FRMPD1: variants seen among roughly 807,000 people sequenced by gnomAD.
The protein encoded by FRMPD1 is FERM and PDZ domain-containing protein 1.
FRMPD1 carries 76 observed loss-of-function variants against 117.8 expected under a neutral mutation model. The observed-to-expected ratio is 0.65, with a 90% confidence interval of 0.54 to 0.78. The LOEUF is 0.78. Ranked by LOEUF, FRMPD1 falls within the 30% of genes least tolerant of loss-of-function variation. The pLI is 0.00. For synonymous variants in FRMPD1, 783 were observed against 770.4 expected (o/e 1.02, Z -0.27); for missense variants, 1,786 against 1,964.5 (o/e 0.91, Z 1.72).
intron 7 of FRMPD1, chr9:37,727,974 A>T (rs1033071438): frequency 6.6e-6 from 1 of 152,228 alleles, no homozygotes. Context: ...CACTGGATAT[A>T]CTGCATAACA....
At chr9:37,702,079 A>G (rs1054763988) in intron 2 of FRMPD1, among the ~76,000 whole-genome samples, 2 of 152,240 alleles carry the variant, frequency 1.3e-5, no homozygotes, top group Admixed American at 6.5e-5. Context: ...GATTAGGGCA[A>G]TAGCCATAGG....
chr9:37,648,266 A>AT (rs139033272), upstream of FRMPD1, among the ~76,000 whole-genome samples: 6,092 of 151,500 alleles, frequency 0.04, 415 homozygotes, highest in African/African-American at 0.14. Flanking sequence ...TCAAGACTAC[A>AT]TTTTTTTTTA....
At chr9:37,673,095 A>C (rs1821410416) in intron 1 of FRMPD1, among the ~76,000 whole-genome samples, 1 of 152,222 alleles carries the variant, frequency 6.6e-6, no homozygotes. Context: ...AGAAGTCCAC[A>C]ATCCAAAGTC....
intron 1 of FRMPD1, among the ~76,000 whole-genome samples, chr9:37,676,740 A>G (rs941113976): frequency 6.6e-6 from 1 of 152,196 alleles, no homozygotes; most frequent in Non-Finnish European, 1.5e-5. Context: ...CCTGACAGCA[A>G]TCAGCCGTTC....
At chr9:37,707,359 C>A in intron 2 of FRMPD1, 57 bp from the exon 3 acceptor site, 1 of 1,480,962 alleles carries the variant, frequency 6.8e-7, no homozygotes, top group South Asian at 1.2e-5. Context: ...TGACCCAGTT[C>A]GTGACCAACA....
At chr9:37,730,919 T>C (rs915154195) in intron 8 of FRMPD1, 65 bp from the exon 9 acceptor site, 11 of 1,561,328 alleles carry the variant, frequency 7.0e-6, no homozygotes, top group Non-Finnish European at 9.7e-6. Flanking sequence ...TAGAGTGGTT[T>C]TGTGGAATGA....
chr9:37,726,016 A>G (rs1405038431), intron 7 of FRMPD1, among the ~76,000 whole-genome samples: 1 of 152,224 alleles, frequency 6.6e-6, no homozygotes, highest in African/African-American at 2.4e-5. Context: ...AAGGACTTTG[A>G]GGTAGTTTAC....
intron 2 of FRMPD1, 101 bp from the exon 3 acceptor site, chr9:37,707,315 T>C: frequency 1.1e-6 from 1 of 882,338 alleles, no homozygotes; most frequent in Non-Finnish European, 1.8e-6. Flanking sequence ...TGGTGTCTGC[T>C]CAGTTCTGCA....
the FRMPD1 span, among the ~76,000 whole-genome samples, chr9:37,616,424 G>A: frequency 6.6e-6 from 1 of 152,092 alleles, no homozygotes; most frequent in African/African-American, 2.4e-5. Context: ...GCCCACATCT[G>A]TTGTTTTATT....
At chr9:37,693,855 G>T (rs997067374) in intron 2 of FRMPD1, among the ~76,000 whole-genome samples, 4 of 152,110 alleles carry the variant, frequency 2.6e-5, no homozygotes, top group African/African-American at 4.8e-5. Context: ...AGAACCCCCC[G>T]CAGCTTAAGG....
chr9:37,680,182 A>G (rs966746349), intron 1 of FRMPD1, among the ~76,000 whole-genome samples: 3 of 152,152 alleles, frequency 2.0e-5, no homozygotes, highest in African/African-American at 7.2e-5. Flanking sequence ...TGCAGAGACC[A>G]TCTGTACTGA....
chr9:37,624,016 C>T, the FRMPD1 span, among the ~76,000 whole-genome samples: 2 of 152,064 alleles, frequency 1.3e-5, no homozygotes, highest in East Asian at 3.9e-4. Flanking sequence ...CAGGATCTAG[C>T]TGAGGTGGTT....
At position 37,744,621 on chromosome 9, in the gene FRMPD1, AGAC is replaced by A; in HGVS notation, c.2594_2596del (p.Asp865del). 1 of 1,613,984 alleles carries A rather than the reference AGAC, an allele frequency of 6.2e-7. No individual in the cohort carries two copies. Among genetic ancestry groups the A allele is most frequent in the Non-Finnish European group, 8.5e-7 (1 of 1,179,904 alleles). Reference sequence around the variant, plus strand: ...TGCCATCAGCCTCCCTGGAGAGTGTAGACGACGTGTGCTACTATGACAGGGAGC... The same window carrying A: ...TGCCATCAGCCTCCCTGGAGAGTGTAGACGTGTGCTACTATGACAGGGAGC... On this transcript the variant is annotated inframe_deletion, in exon 16 of 16. Transcript: ENST00000377765.
intron 1 of FRMPD1, among the ~76,000 whole-genome samples, chr9:37,661,113 G>A (rs10973466): frequency 0.042 from 6,355 of 152,262 alleles, 232 homozygotes; most frequent in South Asian, 0.12. Flanking sequence ...ATAGGGAGGC[G>A]GTGGACCTAA....
chr9:37,652,642 A>C (rs1820713211), intron 1 of FRMPD1, among the ~76,000 whole-genome samples: 1 of 152,218 alleles, frequency 6.6e-6, no homozygotes, highest in Non-Finnish European at 1.5e-5. Context: ...ATGAGACCCC[A>C]TCCTTGAAGC....
chr9:37,637,975 T>TCTTTCTTTCTTTC, the FRMPD1 span, among the ~76,000 whole-genome samples: 61 of 97,270 alleles, frequency 6.3e-4, 9 homozygotes, highest in African/African-American at 2.0e-3. Flanking sequence ...TTTCTTTCTT[T>TCTTTCTTTCTTTC]CTTTCTTTCT....
At chr9:37,715,727 T>G (rs1952125) in intron 5 of FRMPD1, 233,151 of 455,852 alleles carry the variant, frequency 0.51, 61,821 homozygotes, top group East Asian at 0.89. Flanking sequence ...AAGATATTCA[T>G]GGTAGCAGAG....
intron 1 of FRMPD1, among the ~76,000 whole-genome samples, chr9:37,675,926 AC>A (rs1189397617): frequency 6.6e-6 from 1 of 152,204 alleles, no homozygotes; most frequent in Non-Finnish European, 1.5e-5. Flanking sequence ...CTTTGCTTCA[AC>A]CTGTAAAGCT....
chr9:37,624,859 T>C, the FRMPD1 span, among the ~76,000 whole-genome samples: 1 of 152,186 alleles, frequency 6.6e-6, no homozygotes, highest in African/African-American at 2.4e-5. Flanking sequence ...TGAATTAACT[T>C]GAAATGAATT....
Sources: gnomAD v4.1 joint callset for allele counts (sites outside exome capture counted in the v4.1 genomes callset) on GRCh38, gnomAD v4.1.1 for gene constraint, MANE v1.5 for transcripts, NCBI Gene and HGNC (gene_info 2026-07-23, HGNC 2026-07-21) for gene names.